Variants in SLC36A3 observed in about 807,000 individuals in gnomAD.
SLC36A3 encodes solute carrier family 36 member 3, also known as proton-coupled amino acid transporter 3.
Under a neutral mutation model 44.3 loss-of-function variants are expected in SLC36A3, and 35 were observed. That is an observed-to-expected ratio of 0.79 (90% confidence interval 0.60 to 1.05). SLC36A3 has a LOEUF of 1.05. Ranked by LOEUF, SLC36A3 falls within the 50% of genes least tolerant of loss-of-function variation. The pLI, the probability that SLC36A3 is intolerant of heterozygous loss-of-function variation, is 0.00. For synonymous variants in SLC36A3, 211 were observed against 227.6 expected, an observed-to-expected ratio of 0.93 and a Z score of 0.66; for missense variants, 540 against 578.7, an observed-to-expected ratio of 0.93 and a Z score of 0.69.
intron 3 of SLC36A3, among the ~76,000 whole-genome samples, chr5:151,293,810 C>T (rs907101892): frequency 2.6e-5 from 4 of 152,078 alleles, no homozygotes; most frequent in African/African-American, 9.7e-5. Context: ...GCCAGTGATT[C>T]CCTCCTTCCC....
chr5:151,289,330 A>G (rs985031755), intron 4 of SLC36A3, among the ~76,000 whole-genome samples: 7 of 151,930 alleles, frequency 4.6e-5, no homozygotes, highest in African/African-American at 1.7e-4. Context: ...TACCTTTTGT[A>G]GTTATTTTAT....
At chr5:151,298,484 A>G in intron 2 of SLC36A3, 109 bp downstream of exon 2, 2 of 1,061,392 alleles carry the variant, frequency 1.9e-6, no homozygotes, top group Non-Finnish European at 2.8e-6. Flanking sequence ...TTTCAATTGC[A>G]GAGGGTACCC....
intron 1 of SLC36A3, among the ~76,000 whole-genome samples, chr5:151,302,069 T>C (rs1755179772): frequency 6.6e-6 from 1 of 152,236 alleles, no homozygotes; most frequent in Non-Finnish European, 1.5e-5. Context: ...AATATAAATC[T>C]CTTTTCTCTC....
chr5:151,280,233 T>C (rs1754256841), intron 9 of SLC36A3, among the ~76,000 whole-genome samples: 1 of 152,092 alleles, frequency 6.6e-6, no homozygotes, highest in Non-Finnish European at 1.5e-5. Flanking sequence ...GGCAGGCAGA[T>C]CACTTGAGAT....
rs143965964 is a variant in SLC36A3 at position 151,285,592 on chromosome 5, C to T, written c.709-881G>A. ...AATAATGGTTCCCCAAAGATGTTCACATCCTAATCCCCAAAAGATGAGAGT... is the reference window on the plus strand; with the variant it reads ...AATAATGGTTCCCCAAAGATGTTCATATCCTAATCCCCAAAAGATGAGAGT... On this transcript the variant is annotated intron_variant, in intron 6 of 9. Transcript: ENST00000335230. Among the ~76,000 whole-genome samples the T allele has an allele frequency of 1.9e-4, 29 of 152,342 alleles. 1 individual carries two copies. The highest frequency in any genetic ancestry group is 3.4e-3 in the Middle Eastern group (1 of 294).
rs188720878 is a variant in SLC36A3, at chr5:151,281,980, T to C, written c.975-797A>G. 9.9e-5 allele frequency among the ~76,000 whole-genome samples: 15 copies of C among 152,264 alleles called. No individual in the cohort carries two copies. The East Asian group carries it at 2.9e-3, about 29-fold the overall frequency. On this transcript the variant is annotated intron_variant, in intron 8 of 9. Transcript: ENST00000335230. The stretch of plus-strand genomic sequence containing the variant: ...TTTCTTGTGGCCCTTCTAGAAATGA[T>C]TGGTGTTTGTACATGCTCATACAGA...
rs61729743 is a variant in SLC36A3, at chr5:151,296,266, G to T, written c.222C>A (p.Val74=). 9 of 1,613,876 alleles carry T rather than the reference G, an allele frequency of 5.6e-6. No individual in the cohort carries two copies. The Admixed American group carries it at 8.3e-5, about 15-fold the overall frequency. Residue 74 remains valine, a splice_region_variant and synonymous_variant, in exon 3 of 10, where the codon GTC becomes GTA. Transcript: ENST00000335230. ...CGATGGCCAGAAGGCTGACAGGACCGACCTGGAGGGGAGAGGAGAAAGGGG... is the reference window on the plus strand; with the variant it reads ...CGATGGCCAGAAGGCTGACAGGACCTACCTGGAGGGGAGAGGAGAAAGGGG... ...PLAIKNAGLL[V]GPVSLLAIGV...
Position 151,279,113 on chromosome 5 carries a change from C to T in SLC36A3, c.1145-1452G>A, listed in dbSNP as rs143493319. On this transcript the variant is annotated intron_variant, in intron 9 of 9. Coordinates refer to ENST00000335230, the MANE Select transcript of SLC36A3 (RefSeq NM_181774.4). ...GTCTGTGCACAGTCTGTTCCCTTCC[C>T]GTGGTACATTCTTCACTCCTCCGTC... Among the ~76,000 whole-genome samples the T allele has an allele frequency of 3.1e-3, 476 of 151,796 alleles. 4 individuals carry two copies. The highest frequency in any genetic ancestry group is 0.011 in the African/African-American group (458 of 41,528).
chr5:151,277,755 A>G lies in SLC36A3; in HGVS notation c.1145-94T>C, dbSNP rs59087860. On this transcript the variant is annotated intron_variant, in intron 9 of 9. Transcript: ENST00000335230. ...GAATTTCACAGACACCTGAGAGACC[A>G]CTTTGGAGAGGTGGGAGGGAGCCTA... 32,773 of 1,465,518 alleles carry G rather than the reference A, an allele frequency of 0.022. 2,964 individuals carry two copies. In the African/African-American group the frequency reaches 0.26, roughly 12 times the overall value. The allele number at this position is 1,465,518 out of a possible 1,614,324, so 90.8% of individuals were successfully genotyped here. A position where few individuals can be genotyped will look rare whatever the true frequency, so the allele number is the denominator to read the frequency against.
chr5:151,277,740 G>T, intron 9 of SLC36A3, 79 bp from the exon 10 acceptor site: 1 of 1,515,098 alleles, frequency 6.6e-7, no homozygotes, highest in South Asian at 1.2e-5. Context: ...GAATTTCACA[G>T]ACACCTGAGA....
At chr5:151,293,593 C>A (rs1026043916) in intron 3 of SLC36A3, 134 bp from the exon 4 acceptor site, 21 of 688,354 alleles carry the variant, frequency 3.1e-5, no homozygotes, top group Non-Finnish European at 4.5e-5. Context: ...CAGTGATCTA[C>A]TTTATACTTT....
At chr5:151,292,360 A>G (rs1245123154) in intron 4 of SLC36A3, among the ~76,000 whole-genome samples, 1 of 152,246 alleles carries the variant, frequency 6.6e-6, no homozygotes, top group Non-Finnish European at 1.5e-5. Flanking sequence ...CTTAGCAGCC[A>G]CAATTTGACT....
At chr5:151,290,691 C>G (rs1010916325) in intron 4 of SLC36A3, among the ~76,000 whole-genome samples, 1 of 152,040 alleles carries the variant, frequency 6.6e-6, no homozygotes, top group Non-Finnish European at 1.5e-5. Context: ...GTCAGGAGAT[C>G]GAGACCATCC....
At position 151,280,631 on chromosome 5, in the gene SLC36A3, C is replaced by T. The variant is rs560753095; in HGVS notation, c.1144+383G>A. Among the ~76,000 whole-genome samples, 12 of 152,284 alleles carry T rather than the reference C, an allele frequency of 7.9e-5. No individual in the cohort carries two copies. The South Asian group carries it at 2.3e-3, about 29-fold the overall frequency. On this transcript the variant is annotated intron_variant, in intron 9 of 9. Coordinates refer to ENST00000335230, the MANE Select transcript of SLC36A3 (RefSeq NM_181774.4). Reference sequence around the variant, plus strand: ...CTGTGTTCAAATCCCAGCTTTGTCACTTAGTGTGTATGACTCAGGTGTGTT... The same window carrying T: ...CTGTGTTCAAATCCCAGCTTTGTCATTTAGTGTGTATGACTCAGGTGTGTT...
intron 8 of SLC36A3, among the ~76,000 whole-genome samples, chr5:151,283,028 G>A (rs1405577882): frequency 6.6e-6 from 1 of 152,038 alleles, no homozygotes; most frequent in Non-Finnish European, 1.5e-5. Context: ...GGGATTACAG[G>A]CTCACACCAC....
rs372259529 is a variant in SLC36A3 at position 151,284,664 on chromosome 5, G to A, written c.756C>T (p.Thr252=). The A allele has an allele frequency of 1.6e-5, 26 of 1,613,392 alleles. No homozygotes were observed. The highest frequency in any genetic ancestry group is 2.2e-5 in the Non-Finnish European group (26 of 1,179,514). The change falls in exon 7 of 10, where the codon ACC becomes ACT. Residue 252 remains threonine (T), a synonymous_variant. Coordinates refer to ENST00000335230, the MANE Select transcript of SLC36A3 (RefSeq NM_181774.4). ...TGGCTGTACCAAAGAACAGCAAGAA[G>A]GTCTTCCAGTTTGCCATCAAGGGTA... ...SNLPLMANWK[T]FLLFFGTAIF...
At chr5:151,292,618 A>T (rs1282268386) in intron 4 of SLC36A3, among the ~76,000 whole-genome samples, 2 of 152,244 alleles carry the variant, frequency 1.3e-5, no homozygotes, top group African/African-American at 4.8e-5. Flanking sequence ...AACAACCTGA[A>T]TGTTCACCTT....
At chr5:151,283,997 C>T in intron 8 of SLC36A3, 47 bp downstream of exon 8, 1 of 1,558,050 alleles carries the variant, frequency 6.4e-7, no homozygotes, top group Non-Finnish European at 8.6e-7. Context: ...ACAACCAGAA[C>T]AGTTCCAGTG....
intron 4 of SLC36A3, chr5:151,288,792 T>C (rs1204281330): frequency 6.4e-6 from 1 of 155,164 alleles, no homozygotes; most frequent in African/African-American, 2.4e-5. Context: ...TTCAGAATCA[T>C]TTGAAAGTCA....
Sources: gnomAD v4.1 joint callset for allele counts (sites outside exome capture counted in the v4.1 genomes callset) on GRCh38, gnomAD v4.1.1 for gene constraint, MANE v1.5 for transcripts, NCBI Gene and HGNC (gene_info 2026-07-23, HGNC 2026-07-21) for gene names.